FNDC3A: variants seen among roughly 807,000 people sequenced by gnomAD.
FNDC3A encodes fibronectin type III domain containing 3A, also known as fibronectin type-III domain-containing protein 3A.
A neutral mutation model predicts 148.9 loss-of-function variants in FNDC3A; 32 were observed. The ratio of observed to expected loss-of-function variants is 0.21; its 90% CI spans 0.16 to 0.29. The LOEUF is 0.29. Among genes scored for constraint, FNDC3A ranks in the 10% least tolerant of loss-of-function variants. The pLI, the probability that FNDC3A is intolerant of heterozygous loss-of-function variation, is 1.00. For missense variants in FNDC3A, 1,191 were observed against 1,452.8 expected (o/e 0.82, Z 2.93); for synonymous variants, 472 against 473.6 (o/e 1.00, Z 0.04).
At chr13:49,170,175 A>C (rs1037208799) in intron 10 of FNDC3A, among the ~76,000 whole-genome samples, 7 of 152,170 alleles carry the variant, frequency 4.6e-5, no homozygotes, top group Non-Finnish European at 8.8e-5. Context: ...CACACACAGT[A>C]ATCAACATGG....
Position 49,007,024 on chromosome 13 carries a change from T to C in FNDC3A, c.99+735T>C, listed in dbSNP as rs116847388. ...GATCTCATTTAATTCTTTCAACAAT[T>C]CTATGAGGTAGGTACACCTGCCCTT... On this transcript the variant is annotated intron_variant, in intron 2 of 25. Coordinates refer to ENST00000492622, the MANE Select transcript of FNDC3A (RefSeq NM_001079673.2). 1.2e-3 allele frequency among the ~76,000 whole-genome samples: 190 copies of C among 152,178 alleles called. 3 individuals carry two copies. The East Asian group carries it at 0.032, about 26-fold the overall frequency.
At chr13:49,136,281 C>T in intron 5 of FNDC3A, 51 bp from the exon 6 acceptor site, 1 of 1,477,100 alleles carries the variant, frequency 6.8e-7, no homozygotes, top group South Asian at 1.3e-5. Flanking sequence ...ATGGCATAAA[C>T]TTATTTGGAG....
intron 6 of FNDC3A, among the ~76,000 whole-genome samples, chr13:49,138,536 G>A (rs755418635): frequency 5.3e-5 from 8 of 152,014 alleles, no homozygotes; most frequent in Non-Finnish European, 1.0e-4. Flanking sequence ...ATATAGTGGT[G>A]TTATAATTAG....
intron 3 of FNDC3A, among the ~76,000 whole-genome samples, chr13:49,110,852 A>G (rs541044474): frequency 7.2e-5 from 11 of 152,362 alleles, no homozygotes; most frequent in African/African-American, 2.4e-4. Context: ...TAGTTGAAAT[A>G]TCTTCTTTAA....
At chr13:49,103,053 G>C (rs1473981096) in intron 3 of FNDC3A, among the ~76,000 whole-genome samples, 1 of 152,162 alleles carries the variant, frequency 6.6e-6, no homozygotes, top group African/African-American at 2.4e-5. Context: ...ACCAAACACT[G>C]TTCTAAGTGC....
At chr13:49,074,977 G>T (rs1180932867) in intron 2 of FNDC3A, among the ~76,000 whole-genome samples, 10 of 152,128 alleles carry the variant, frequency 6.6e-5, no homozygotes, top group Non-Finnish European at 1.5e-4. Flanking sequence ...CAACTGATAA[G>T]CTCACTTAGA....
rs555882648 is a variant in FNDC3A at position 49,001,464 on chromosome 13, G to C, written c.-39-4688G>C. Among the ~76,000 whole-genome samples the C allele has an allele frequency of 1.1e-4, 17 of 152,320 alleles. No individual in the cohort carries two copies. In the South Asian group the frequency reaches 3.3e-3, roughly 30 times the overall value. On this transcript the variant is annotated intron_variant, in intron 1 of 25. Coordinates refer to ENST00000492622, the MANE Select transcript of FNDC3A (RefSeq NM_001079673.2). ...TAACAGCAATGTTCAGGGAACAAGAGAGATAACCTTAAACTCTGACTGCCA... is the reference window on the plus strand; with the variant it reads ...TAACAGCAATGTTCAGGGAACAAGACAGATAACCTTAAACTCTGACTGCCA...
intron 2 of FNDC3A, among the ~76,000 whole-genome samples, chr13:49,051,846 T>A (rs1875866974): frequency 6.6e-6 from 1 of 152,182 alleles, no homozygotes; most frequent in Non-Finnish European, 1.5e-5. Context: ...GTCCCAAACT[T>A]CTTGGAGGCT....
intron 3 of FNDC3A, among the ~76,000 whole-genome samples, chr13:49,108,570 T>C (rs1211666026): frequency 6.6e-6 from 1 of 152,086 alleles, no homozygotes; most frequent in South Asian, 2.1e-4. Flanking sequence ...TTATTTATAA[T>C]GGAAAAAAAC....
At chr13:49,057,609 G>A (rs1009742653) in intron 2 of FNDC3A, among the ~76,000 whole-genome samples, 1 of 152,058 alleles carries the variant, frequency 6.6e-6, no homozygotes, top group East Asian at 1.9e-4. Context: ...GCCATTAATA[G>A]AAGTTTCCAA....
chr13:49,099,462 A>G (rs1006644570), intron 3 of FNDC3A, among the ~76,000 whole-genome samples: 2 of 152,086 alleles, frequency 1.3e-5, no homozygotes, highest in African/African-American at 4.8e-5. Context: ...TTTGCTGGCC[A>G]CTTGGTGTCA....
chr13:49,071,727 G>GTTT (rs35779065), intron 2 of FNDC3A, among the ~76,000 whole-genome samples: 15 of 146,312 alleles, frequency 1.0e-4, no homozygotes, highest in South Asian at 2.2e-4. Flanking sequence ...TGATTATTTG[G>GTTT]TTTTTTTTTT....
chr13:49,120,328 C>G (rs1566263282), intron 4 of FNDC3A, among the ~76,000 whole-genome samples: 1 of 152,182 alleles, frequency 6.6e-6, no homozygotes. Context: ...CTTACAAGAG[C>G]TCCTGAAGGA....
At chr13:49,131,047 T>G (rs1157053658) in intron 4 of FNDC3A, 90 bp from the exon 5 acceptor site, 1,079 of 965,582 alleles carry the variant, frequency 1.1e-3, no homozygotes, top group Non-Finnish European at 1.6e-3. Context: ...ACTAGAGGCA[T>G]GAGCTACCGT....
chr13:49,190,423 G>C (rs1168517957), intron 17 of FNDC3A, among the ~76,000 whole-genome samples: 2 of 152,114 alleles, frequency 1.3e-5, no homozygotes, highest in African/African-American at 4.8e-5. Flanking sequence ...CTCTGGACGT[G>C]GGAGGATTGC....
chr13:49,053,268 G>T (rs1875983462), intron 2 of FNDC3A, among the ~76,000 whole-genome samples: 1 of 152,172 alleles, frequency 6.6e-6, no homozygotes, highest in South Asian at 2.1e-4. Flanking sequence ...ATGTTTCTGT[G>T]GTAGTTCTTG....
At chr13:49,049,151 A>G (rs559243581) in intron 2 of FNDC3A, among the ~76,000 whole-genome samples, 5 of 152,304 alleles carry the variant, frequency 3.3e-5, no homozygotes, top group African/African-American at 1.2e-4. Context: ...CATCCCTGGT[A>G]TGACACCCAC....
chr13:49,188,683 T>G, intron 17 of FNDC3A, 50 bp downstream of exon 17: 2 of 1,155,828 alleles, frequency 1.7e-6, no homozygotes, highest in Non-Finnish European at 2.6e-6. Flanking sequence ...TTTGGCCAAA[T>G]GGGGTAGGAT....
chr13:49,196,133 C>T (rs1886141900), intron 19 of FNDC3A, among the ~76,000 whole-genome samples: 1 of 146,376 alleles, frequency 6.8e-6, no homozygotes, highest in African/African-American at 2.5e-5. Context: ...TAAAGATGGG[C>T]ATTTGGCAAA....
Sources: allele counts gnomAD v4.1 joint callset (sites outside exome capture counted in the v4.1 genomes callset), GRCh38; gene constraint gnomAD v4.1.1; transcripts MANE v1.5; gene names NCBI Gene and HGNC (gene_info 2026-07-23, HGNC 2026-07-21).